Variants in RYR1 observed in about 807,000 individuals in gnomAD.
The protein encoded by RYR1 is ryanodine receptor 1.
RYR1 carries 342 observed loss-of-function variants against 583.5 expected under a neutral mutation model. The ratio of observed to expected loss-of-function variants is 0.59; its 90% CI spans 0.54 to 0.64. RYR1 has a LOEUF of 0.64. RYR1 is among the 30% of genes least tolerant of loss of function. The pLI, the probability that RYR1 is intolerant of heterozygous loss-of-function variation, is 0.00. For missense variants in RYR1, 6,032 were observed against 6,917.2 expected, an observed-to-expected ratio of 0.87 and a Z score of 4.54; for synonymous variants, 2,791 against 2,822.5, an observed-to-expected ratio of 0.99 and a Z score of 0.35.
intron 58 of RYR1, among the ~76,000 whole-genome samples, chr19:38,508,883 C>T (rs1165716023): frequency 6.6e-6 from 1 of 152,048 alleles, no homozygotes; most frequent in Non-Finnish European, 1.5e-5. Flanking sequence ...TTCACAGGGT[C>T]CCTCTGGCTT....
In RYR1 at chr19:38,446,482, G is replaced by A. The variant is rs1326637008; in HGVS notation, c.642G>A (p.Thr214=). The A allele has an allele frequency of 5.6e-6, 9 of 1,613,266 alleles. No individual in the cohort carries two copies. Among genetic ancestry groups the A allele is most frequent in the Non-Finnish European group, 6.8e-6 (8 of 1,179,326 alleles). The change falls in exon 8 of 106, where the codon ACG becomes ACA. Residue 214 remains threonine (T), a synonymous_variant. Coordinates refer to ENST00000359596, the MANE Select transcript of RYR1 (RefSeq NM_000540.3). ...CTTGCTCCTCTCCAGGCTTCGTGAC[G>A]GGAGGTCACGTCCTCCGCCTCTTTC... ...ICSRCEEGFV[T]GGHVLRLFHG... is the part of the protein sequence containing the mutation.
In RYR1 at chr19:38,444,613, G is replaced by C. The variant is rs1249117526; in HGVS notation, c.567G>C (p.Gln189His). The change falls in exon 7 of 106, where the codon CAG becomes CAC. Residue 189 changes from glutamine (Q) to histidine (H), a missense_variant. This residue lies in a region of RYR1 where 338 missense variants were observed against 441.6 expected (regional missense o/e 0.77). Transcript: ENST00000359596. This position sits in a 1 kb window ranked among gnomAD's most constrained non-coding sequence, Gnocchi z 5.1. ...TGTCGACCGCCAGTGGGGAGCTCCA[G>C]GTTGACGCTTCCTTCATGCAGACAC... ...LHLSTASGEL[Q>H]VDASFMQTLW... The C allele has an allele frequency of 1.2e-6, 2 of 1,613,922 alleles. No individual in the cohort carries two copies. The highest frequency in any genetic ancestry group is 1.7e-6 in the Non-Finnish European group (2 of 1,179,988).
Position 38,444,020 on chromosome 19 carries a change from G to C in RYR1, c.425-129G>C. 3 of 865,808 alleles carry C rather than the reference G, an allele frequency of 3.5e-6. No individual in the cohort carries two copies. Among genetic ancestry groups the C allele is most frequent in the Non-Finnish European group, 5.8e-6 (3 of 518,262 alleles). 53.6% of individuals were successfully genotyped at this position (865,808 alleles called of 1,614,324 possible). A position where few individuals can be genotyped will look rare whatever the true frequency, so the allele number is the denominator to read the frequency against. ...CAGGAACGGGGAACTGTTAGGCAGA[G>C]AGTTGGTGGCAGTGATAGGAGAGTT... On this transcript the variant is annotated intron_variant, in intron 5 of 105. Coordinates refer to ENST00000359596, the MANE Select transcript of RYR1 (RefSeq NM_000540.3). The surrounding 1 kb of genome is among the most constrained non-coding windows in gnomAD (Gnocchi z 5.1).
intron 31 of RYR1, among the ~76,000 whole-genome samples, chr19:38,481,067 T>A (rs1968985062): frequency 6.6e-6 from 1 of 152,068 alleles, no homozygotes; most frequent in South Asian, 2.1e-4. Flanking sequence ...TAAGACAGAG[T>A]CTTGCTCTGT....
chr19:38,514,959 G>A (rs1286669427), intron 63 of RYR1, 67 bp from the exon 64 acceptor site: 8 of 1,070,832 alleles, frequency 7.5e-6, no homozygotes, highest in East Asian at 7.1e-5. Flanking sequence ...TTTGAGACAA[G>A]GGAGGTGGGG....
At chr19:38,447,092 T>C (rs931744700) in intron 9 of RYR1, among the ~76,000 whole-genome samples, 1 of 152,050 alleles carries the variant, frequency 6.6e-6, no homozygotes, top group African/African-American at 2.4e-5. Context: ...GGTGTGGTGG[T>C]GTGCACCTTT....
In RYR1 at chr19:38,494,481, T is replaced by C; in HGVS notation, c.6404T>C (p.Leu2135Pro). 3.1e-6 allele frequency: 5 copies of C among 1,613,164 alleles called. No individual in the cohort carries two copies. Among genetic ancestry groups the C allele is most frequent in the South Asian group, 1.1e-5 (1 of 91,042 alleles). Residue 2135 changes from leucine (L) to proline (P), a missense_variant, in exon 39 of 106, where the codon CTG (leucine) becomes CCG (proline). Physicochemically the swap from Leu to Pro is moderately conservative, Grantham distance 98. Around this residue, in one of 11 missense-constraint regions of RYR1, gnomAD observed 2,627 missense variants for 2,961.3 expected, o/e 0.89. Transcript: ENST00000359596. Reference protein sequence around the residue: ...HRQYDGLGELLRALPRAYTIS... With the variant: ...HRQYDGLGELPRALPRAYTIS... ...CAGTACGACGGGCTGGGTGAGCTGCTGCGTGCCCTGCCGCGGGCGTACACC... is the reference window on the plus strand; with the variant it reads ...CAGTACGACGGGCTGGGTGAGCTGCCGCGTGCCCTGCCGCGGGCGTACACC...
At chr19:38,585,628 C>T (rs960765828) in intron 102 of RYR1, among the ~76,000 whole-genome samples, 2 of 151,578 alleles carry the variant, frequency 1.3e-5, no homozygotes, top group Non-Finnish European at 2.9e-5. Flanking sequence ...CACATGCTAC[C>T]ACACCCAGCT....
intron 73 of RYR1, 169 bp downstream of exon 73, chr19:38,527,953 T>A: frequency 2.4e-5 from 14 of 573,894 alleles, no homozygotes; most frequent in East Asian, 3.9e-5. Context: ...GGGGGAGGGG[T>A]CTGCTGCTTA....
intron 24 of RYR1, 82 bp downstream of exon 24, chr19:38,466,480 C>T (rs1186051247): frequency 7.4e-6 from 9 of 1,216,350 alleles, no homozygotes; most frequent in Non-Finnish European, 1.0e-5. Context: ...TGACCTGACT[C>T]AGCCCCCAAA....
intron 29 of RYR1, among the ~76,000 whole-genome samples, chr19:38,477,422 C>A (rs765431149): frequency 1.3e-5 from 2 of 152,140 alleles, no homozygotes; most frequent in African/African-American, 4.8e-5. Context: ...GGATTACAGG[C>A]GTGAGCCACC....
chr19:38,515,224 C>A (rs577126495), intron 64 of RYR1, 117 bp downstream of exon 64: 3 of 838,270 alleles, frequency 3.6e-6, no homozygotes, highest in East Asian at 2.6e-5. Context: ...TTCCCGCACA[C>A]GGCGGCAGCC....
chr19:38,555,147 A>G (rs1240283114), intron 89 of RYR1, among the ~76,000 whole-genome samples: 2 of 152,070 alleles, frequency 1.3e-5, no homozygotes, highest in African/African-American at 4.8e-5. Context: ...TATAAATGGT[A>G]TCATAAAATA....
intron 13 of RYR1, among the ~76,000 whole-genome samples, chr19:38,454,621 C>T (rs188568686): frequency 1.3e-5 from 2 of 152,252 alleles, no homozygotes; most frequent in East Asian, 3.9e-4. Context: ...CTCTCAGGGA[C>T]TCCCTGTATT....
At chr19:38,538,058 C>A in intron 84 of RYR1, 98 bp downstream of exon 84, 2 of 1,066,124 alleles carry the variant, frequency 1.9e-6, no homozygotes, top group South Asian at 1.3e-5. Flanking sequence ...CTCCCCCGGT[C>A]AATGATGGCC....
intron 29 of RYR1, 35 bp downstream of exon 29, chr19:38,475,485 C>T (rs945927395): frequency 1.2e-6 from 2 of 1,611,788 alleles, no homozygotes; most frequent in Non-Finnish European, 1.7e-6. Context: ...TGGGGTCCCC[C>T]CGCATAGCAT....
Position 38,505,851 on chromosome 19 carries a change from A to G in RYR1, c.8446A>G (p.Met2816Val), listed in dbSNP as rs775492883. 5 of 1,614,140 alleles carry G rather than the reference A, an allele frequency of 3.1e-6. No individual in the cohort carries two copies. The highest frequency in any genetic ancestry group is 4.2e-6 in the Non-Finnish European group (5 of 1,180,016). The change falls in exon 54 of 106, where the codon ATG becomes GTG. Residue 2816 changes from methionine (M) to valine (V), a missense_variant. By Grantham distance (21) the Met-to-Val change is conservative (BLOSUM62 1). Coordinates refer to ENST00000359596, the MANE Select transcript of RYR1 (RefSeq NM_000540.3). ...GCCCATCAAGGAGTCCCTGAAGGCC[A>G]TGATTGCCTGGGAATGGACGATAGA... ...RWPIKESLKA[M>V]IAWEWTIEKA...
chr19:38,525,635 C>A, intron 71 of RYR1, 133 bp downstream of exon 71: 1 of 988,802 alleles, frequency 1.0e-6, no homozygotes, highest in South Asian at 1.4e-5. Flanking sequence ...TCAGACCCCA[C>A]TGAGTTCTTT....
At chr19:38,501,776 G>A (rs1970132665) in intron 47 of RYR1, among the ~76,000 whole-genome samples, 1 of 152,044 alleles carries the variant, frequency 6.6e-6, no homozygotes, top group African/African-American at 2.4e-5. Flanking sequence ...TTGAAGCCAG[G>A]ATTTTGAGAC....
Sources: allele counts gnomAD v4.1 joint callset (sites outside exome capture counted in the v4.1 genomes callset), GRCh38; gene constraint gnomAD v4.1.1; regional missense constraint gnomAD v4.1.1; non-coding constraint Gnocchi (gnomAD v3.1); transcripts MANE v1.5; gene names NCBI Gene and HGNC (gene_info 2026-07-23, HGNC 2026-07-21).